SERPINB8: variants seen among roughly 807,000 people sequenced by gnomAD.
SERPINB8 encodes serpin B8.
SERPINB8 carries 25 observed loss-of-function variants against 35.3 expected under a neutral mutation model. That is an observed-to-expected ratio of 0.71 (90% CI 0.52 to 0.99). SERPINB8 has a LOEUF of 0.99. Ranked by LOEUF, SERPINB8 falls within the 50% of genes least tolerant of loss-of-function variation. The pLI, the probability that SERPINB8 is intolerant of heterozygous loss-of-function variation, is 0.00. For missense variants in SERPINB8, 484 were observed against 446.5 expected, an observed-to-expected ratio of 1.08 and a Z score of -0.76; for synonymous variants, 186 against 160.8, an observed-to-expected ratio of 1.16 and a Z score of -1.19.
chr18:63,979,475 G>T (rs1442639188), intron 2 of SERPINB8, among the ~76,000 whole-genome samples: 1 of 152,082 alleles, frequency 6.6e-6, no homozygotes, highest in African/African-American at 2.4e-5. Context: ...GGTAGGGGTC[G>T]GTGGGTGAAT....
chr18:63,975,703 T>TA (rs1362885196), intron 1 of SERPINB8, among the ~76,000 whole-genome samples: 1 of 152,188 alleles, frequency 6.6e-6, no homozygotes, highest in Admixed American at 6.5e-5. Context: ...CTTTACACTT[T>TA]AAAAAAATAT....
At chr18:63,991,921 TG>T (rs1335140718), downstream of SERPINB8, among the ~76,000 whole-genome samples, 6 of 152,184 alleles carry the variant, frequency 3.9e-5, no homozygotes, top group African/African-American at 1.4e-4. Flanking sequence ...GATGATCATA[TG>T]GTTTTGTTAA....
intron 1 of SERPINB8, among the ~76,000 whole-genome samples, chr18:63,973,420 AT>A (rs1285963291): frequency 4.6e-5 from 7 of 151,828 alleles, no homozygotes; most frequent in Non-Finnish European, 8.8e-5. Flanking sequence ...GATTGCAAAA[AT>A]TTTCTCCCAT....
chr18:64,003,603 G>C (rs2050886542), intron 1 of SERPINB8, among the ~76,000 whole-genome samples: 1 of 151,752 alleles, frequency 6.6e-6, no homozygotes, highest in Non-Finnish European at 1.5e-5. Context: ...AAACTGAGAA[G>C]TGCTAAGATC....
rs1270714790 is a variant in SERPINB8 at position 63,979,827 on chromosome 18, TATTCACCG to T, written c.197_204del (p.Ile66ArgfsTer8). Reference sequence around the variant, plus strand: ...CACTTTGTTTATACAAAGACGGAGATATTCACCGAGGTTTCCAGTCACTTCTCAGTGAA... The same window carrying T: ...CACTTTGTTTATACAAAGACGGAGATAGGTTTCCAGTCACTTCTCAGTGAA... On this transcript the variant is annotated frameshift_variant, in exon 3 of 7. Transcript: ENST00000397985. LOFTEE classifies it high-confidence loss of function. The T allele has an allele frequency of 1.4e-5, 22 of 1,614,000 alleles. No individual in the cohort carries two copies. Among genetic ancestry groups the T allele is most frequent in the Non-Finnish European group, 1.6e-5 (19 of 1,179,992 alleles).
chr18:63,995,230 A>T (rs2050843573), intron 1 of SERPINB8, among the ~76,000 whole-genome samples: 1 of 152,076 alleles, frequency 6.6e-6, no homozygotes, highest in African/African-American at 2.4e-5. Flanking sequence ...TCCTCTCCCC[A>T]GACAGCTAGA....
chr18:63,986,869 C>A lies in SERPINB8; in HGVS notation c.721-5C>A. 1.3e-6 allele frequency: 2 copies of A among 1,599,676 alleles called. No homozygotes were observed. Among genetic ancestry groups the A allele is most frequent in the Non-Finnish European group, 1.7e-6 (2 of 1,174,428 alleles). Reference sequence around the variant, plus strand: ...ATTTTAAGGTTTGAGTCTTTCTTATCCTAGGTGGAAAAAGCACTTACATAT... The same window carrying A: ...ATTTTAAGGTTTGAGTCTTTCTTATACTAGGTGGAAAAAGCACTTACATAT... On this transcript the variant is annotated splice_region_variant and splice_polypyrimidine_tract_variant and intron_variant, in intron 6 of 6. Coordinates refer to ENST00000397985, the MANE Select transcript of SERPINB8 (RefSeq NM_002640.4).
exon 2 of SERPINB8, chr18:64,005,171 C>T (rs149751571): frequency 8.9e-4 from 225 of 251,698 alleles, no homozygotes; most frequent in African/African-American, 4.2e-3. Context: ...ACAACTCTAC[C>T]AAAGTAGGTA....
At chr18:64,009,260 G>C (rs2050914810), downstream of SERPINB8, among the ~76,000 whole-genome samples, 2 of 152,288 alleles carry the variant, frequency 1.3e-5, no homozygotes, top group East Asian at 1.9e-4. Flanking sequence ...AAAGTTGTCA[G>C]TTCTCCCTCA....
In SERPINB8 at chr18:63,984,590, C is replaced by T. The variant is rs574042568; in HGVS notation, c.568-503C>T. Among the ~76,000 whole-genome samples the T allele has an allele frequency of 2.0e-5, 3 of 152,304 alleles. No homozygotes were observed. In the East Asian group the frequency reaches 5.8e-4, roughly 29 times the overall value. ...ATGAAAGTTAAAAATATATTTGATG[C>T]AGGCTTTAAAAACAGCAGACCTTAC... On this transcript the variant is annotated intron_variant, in intron 5 of 6. Coordinates refer to ENST00000397985, the MANE Select transcript of SERPINB8 (RefSeq NM_002640.4).
intron 5 of SERPINB8, among the ~76,000 whole-genome samples, chr18:63,984,756 C>T (rs975650377): frequency 6.6e-6 from 1 of 152,144 alleles, no homozygotes; most frequent in Non-Finnish European, 1.5e-5. Flanking sequence ...ATCTTAACTT[C>T]GATAAAGAAT....
chr18:64,014,066 A>C (rs2050938380), intron 7 of SERPINB8, among the ~76,000 whole-genome samples: 1 of 152,220 alleles, frequency 6.6e-6, no homozygotes, highest in African/African-American at 2.4e-5. Context: ...TACTATATGG[A>C]GAATAAAATA....
intron 1 of SERPINB8, among the ~76,000 whole-genome samples, chr18:63,975,142 C>CG (rs2050561411): frequency 6.6e-6 from 1 of 151,492 alleles, no homozygotes; most frequent in Admixed American, 6.6e-5. Flanking sequence ...CACACACACC[C>CG]CAACCTAAGT....
At chr18:63,990,085 T>TTC (rs2050816187), downstream of SERPINB8, among the ~76,000 whole-genome samples, 1 of 148,886 alleles carries the variant, frequency 6.7e-6, no homozygotes. Context: ...TTTTTTTTTT[T>TTC]TTTCTTTTTG....
At chr18:64,014,600 T>C (rs1042589387) in intron 7 of SERPINB8, among the ~76,000 whole-genome samples, 6 of 152,230 alleles carry the variant, frequency 3.9e-5, no homozygotes, top group African/African-American at 1.2e-4. Context: ...CTCCTTTCAC[T>C]GTGATCATCC....
chr18:64,003,867 A>G (rs1242654074), intron 1 of SERPINB8, among the ~76,000 whole-genome samples: 1 of 152,194 alleles, frequency 6.6e-6, no homozygotes, highest in Non-Finnish European at 1.5e-5. Flanking sequence ...GTACCATTGC[A>G]AAATGTCAGT....
At chr18:63,973,474 G>C (rs1447930801) in intron 1 of SERPINB8, among the ~76,000 whole-genome samples, 1 of 152,118 alleles carries the variant, frequency 6.6e-6, no homozygotes, top group Non-Finnish European at 1.5e-5. Context: ...TTCTTTTGCT[G>C]TGCAGAAGCT....
chr18:64,014,683 C>T (rs544491534), intron 7 of SERPINB8, among the ~76,000 whole-genome samples: 9 of 152,266 alleles, frequency 5.9e-5, no homozygotes, highest in African/African-American at 1.4e-4. Context: ...TTGGATTCTA[C>T]GGGACATCAT....
At chr18:64,000,815 C>G (rs943540222) in intron 1 of SERPINB8, among the ~76,000 whole-genome samples, 19 of 152,234 alleles carry the variant, frequency 1.2e-4, no homozygotes, top group African/African-American at 4.6e-4. Context: ...AAAAGCCTGA[C>G]TGTCACTCTC....
Sources: gnomAD v4.1 joint callset for allele counts (sites outside exome capture counted in the v4.1 genomes callset) on GRCh38, gnomAD v4.1.1 for gene constraint, MANE v1.5 for transcripts, NCBI Gene and HGNC (gene_info 2026-07-23, HGNC 2026-07-21) for gene names.